EPHB1: variants seen among roughly 807,000 people sequenced by gnomAD.
EPHB1 encodes the protein EPH receptor B1, also known as ephrin type-B receptor 1.
Under a neutral mutation model 94.4 loss-of-function variants are expected in EPHB1, and 30 were observed. The ratio of observed to expected loss-of-function variants is 0.32; its 90% CI spans 0.24 to 0.43. The LOEUF (loss-of-function observed/expected upper bound fraction) is 0.43, where lower values mean the gene tolerates loss of function less well. Among genes scored for constraint, EPHB1 ranks in the 20% least tolerant of loss-of-function variants. EPHB1 has a pLI of 1.00. For synonymous variants in EPHB1, 522 were observed against 489.1 expected (o/e 1.07, Z -0.89); for missense variants, 1,055 against 1,308.3 (o/e 0.81, Z 2.99).
chr3:135,003,008 A>C (rs1935242198), intron 3 of EPHB1, among the ~76,000 whole-genome samples: 1 of 152,150 alleles, frequency 6.6e-6, no homozygotes, highest in African/African-American at 2.4e-5. Flanking sequence ...TAGCTCTTGA[A>C]TGTGTTTGCT....
At chr3:135,003,448 G>A (rs1398508829) in intron 3 of EPHB1, among the ~76,000 whole-genome samples, 4 of 148,604 alleles carry the variant, frequency 2.7e-5, no homozygotes, top group African/African-American at 7.4e-5. Context: ...GATTTGGGGT[G>A]GAGAGTTCTG....
chr3:135,056,996 G>A (rs1186466861), intron 3 of EPHB1, among the ~76,000 whole-genome samples: 1 of 152,204 alleles, frequency 6.6e-6, no homozygotes, highest in African/African-American at 2.4e-5. Flanking sequence ...CAGAGTGGCA[G>A]TATGGAGAGT....
intron 1 of EPHB1, among the ~76,000 whole-genome samples, chr3:134,925,120 T>C (rs1221723237): frequency 6.6e-6 from 1 of 152,240 alleles, no homozygotes; most frequent in East Asian, 1.9e-4. Context: ...GTCTTTCCTT[T>C]TCTGTGGCCA....
intron 3 of EPHB1, among the ~76,000 whole-genome samples, chr3:135,033,579 G>A (rs1177407256): frequency 6.6e-6 from 1 of 152,222 alleles, no homozygotes; most frequent in Non-Finnish European, 1.5e-5. Context: ...TTGAGGACCT[G>A]CTGTGCACAG....
At position 135,112,765 on chromosome 3, in the gene EPHB1, A is replaced by G. The variant is rs527672339; in HGVS notation, c.961+6162A>G. ...TAGTATTCCATGGTGTATATGTGCC[A>G]CATTTTCTTAATCCAGTCTATCATT... On this transcript the variant is annotated intron_variant, in intron 4 of 15. Coordinates refer to ENST00000398015, the MANE Select transcript of EPHB1 (RefSeq NM_004441.5). Among the ~76,000 whole-genome samples, 52 of 152,080 alleles carry G rather than the reference A, an allele frequency of 3.4e-4. 1 individual carries two copies. The East Asian group carries it at 8.7e-3, about 25-fold the overall frequency.
At chr3:134,818,015 G>A (rs1371632114) in intron 1 of EPHB1, among the ~76,000 whole-genome samples, 1 of 152,074 alleles carries the variant, frequency 6.6e-6, no homozygotes, top group Non-Finnish European at 1.5e-5. Context: ...GCTTTTCCCC[G>A]CCCCACTCCT....
rs574795325 is a variant in EPHB1, at chr3:134,817,547, T to A, written c.58+21858T>A. Among the ~76,000 whole-genome samples the A allele has an allele frequency of 2.0e-5, 3 of 152,360 alleles. No homozygotes were observed. In the South Asian group the frequency reaches 6.2e-4, roughly 32 times the overall value. ...TATGAATCCATGCAAGAGGCTGCTA[T>A]TGGGAGTCAGAGAACTGGCTCACAT... On this transcript the variant is annotated intron_variant, in intron 1 of 15. Transcript: ENST00000398015.
rs2037506555 is a variant in EPHB1, at chr3:134,871,874, A to G, written c.59-53942A>G. 2.6e-5 allele frequency among the ~76,000 whole-genome samples: 4 copies of G among 152,144 alleles called. No homozygotes were observed. In the South Asian group the frequency reaches 8.3e-4, roughly 32 times the overall value. ...TCTACTGGGTTGTTCTAGCCTCCAA[A>G]CAAGGGTCATTTTTAATCTCTCCCT... On this transcript the variant is annotated intron_variant, in intron 1 of 15. Transcript: ENST00000398015.
intron 6 of EPHB1, among the ~76,000 whole-genome samples, chr3:135,157,304 T>C (rs934897313): frequency 6.6e-6 from 1 of 152,190 alleles, no homozygotes; most frequent in Non-Finnish European, 1.5e-5. Flanking sequence ...GGTCAAGGGC[T>C]TAATGACAGG....
chr3:134,938,248 C>T lies in EPHB1; in HGVS notation c.123+12368C>T, dbSNP rs545635507. Among the ~76,000 whole-genome samples the T allele has an allele frequency of 1.9e-4, 29 of 152,284 alleles. No individual in the cohort carries two copies. In the East Asian group the frequency reaches 2.5e-3, roughly 13 times the overall value. On this transcript the variant is annotated intron_variant, in intron 2 of 15. Coordinates refer to ENST00000398015, the MANE Select transcript of EPHB1 (RefSeq NM_004441.5). ...ACCCCACTCCAGGCAGGGCCTGGTA[C>T]GCAATGCTGCTGCCTGGTGGAGGTT...
chr3:135,257,755 C>G lies in EPHB1; in HGVS notation c.2847-1257C>G, dbSNP rs751029355. 1.4e-3 allele frequency among the ~76,000 whole-genome samples: 214 copies of G among 150,528 alleles called. 2 individuals carry two copies. The highest frequency in any genetic ancestry group is 4.9e-3 in the African/African-American group (202 of 41,142). On this transcript the variant is annotated intron_variant, in intron 15 of 15. Transcript: ENST00000398015. ...CTGGGCTCCACCCAGTTCGAGCTTCCCGGCTGCTTTGTTTACCTAAGCAAG... is the reference window on the plus strand; with the variant it reads ...CTGGGCTCCACCCAGTTCGAGCTTCGCGGCTGCTTTGTTTACCTAAGCAAG...
chr3:135,022,209 A>AT (rs1414069855), intron 3 of EPHB1, among the ~76,000 whole-genome samples: 16 of 152,246 alleles, frequency 1.1e-4, no homozygotes, highest in Non-Finnish European at 2.2e-4. Context: ...TGACCTTGTG[A>AT]TCCCCCTGCC....
chr3:135,177,829 T>A (rs1942025953), intron 9 of EPHB1, among the ~76,000 whole-genome samples: 2 of 152,240 alleles, frequency 1.3e-5, no homozygotes, highest in Non-Finnish European at 2.9e-5. Context: ...TTCTTACTCT[T>A]CACTTGTTCT....
intron 15 of EPHB1, among the ~76,000 whole-genome samples, chr3:135,251,052 A>ATTTTT (rs71245397): frequency 7.0e-6 from 1 of 142,608 alleles, no homozygotes; most frequent in African/African-American, 2.6e-5. Flanking sequence ...TCTGAGGTCT[A>ATTTTT]TTTTTTTTTT....
At position 135,079,047 on chromosome 3, in the gene EPHB1, A is replaced by G. The variant is rs897689471; in HGVS notation, c.806-27401A>G. Among the ~76,000 whole-genome samples, 11 of 152,142 alleles carry G rather than the reference A, an allele frequency of 7.2e-5. No homozygotes were observed. In the South Asian group the frequency reaches 2.3e-3, roughly 32 times the overall value. On this transcript the variant is annotated intron_variant, in intron 3 of 15. Transcript: ENST00000398015. ...TGTTAAGCCCAAATAGTTCTGGGTT[A>G]GGAGTGTATCAGAAATCATGGACAT...
At chr3:135,031,329 T>G (rs1227516834) in intron 3 of EPHB1, among the ~76,000 whole-genome samples, 1 of 152,146 alleles carries the variant, frequency 6.6e-6, no homozygotes, top group South Asian at 2.1e-4. Flanking sequence ...CTCTGTTTCT[T>G]GATGGGGTCT....
intron 4 of EPHB1, among the ~76,000 whole-genome samples, chr3:135,115,251 G>C (rs1474020600): frequency 6.6e-6 from 1 of 152,120 alleles, no homozygotes; most frequent in African/African-American, 2.4e-5. Context: ...GCTCCTTTGT[G>C]GTCTCAGGCA....
chr3:134,922,024 C>T lies in EPHB1; in HGVS notation c.59-3792C>T, dbSNP rs192829946. On this transcript the variant is annotated intron_variant, in intron 1 of 15. Transcript: ENST00000398015. The stretch of plus-strand genomic sequence containing the variant: ...ATGCGTGTGCCCTTCCCGGCGATCT[C>T]CCCTTGGGCACTGAGTACGTGCTCC... Among the ~76,000 whole-genome samples, 87 of 152,340 alleles carry T rather than the reference C, an allele frequency of 5.7e-4. No homozygotes were observed. The Middle Eastern group carries it at 0.01, about 18-fold the overall frequency.
chr3:135,214,588 G>T (rs1943101009), intron 12 of EPHB1, among the ~76,000 whole-genome samples: 1 of 152,124 alleles, frequency 6.6e-6, no homozygotes, highest in Admixed American at 6.5e-5. Context: ...GTCATCCCAG[G>T]TCATGGTGTA....
Sources: gnomAD v4.1 joint callset for allele counts (sites outside exome capture counted in the v4.1 genomes callset) on GRCh38, gnomAD v4.1.1 for gene constraint, MANE v1.5 for transcripts, NCBI Gene and HGNC (gene_info 2026-07-23, HGNC 2026-07-21) for gene names.